Variants in DCHS2 observed in about 807,000 individuals in gnomAD.
The protein encoded by DCHS2 is dachsous cadherin-related 2, also known as protocadherin-23.
DCHS2 carries 142 observed loss-of-function variants against 182.4 expected under a neutral mutation model. That is an observed-to-expected ratio of 0.78 (90% confidence interval 0.68 to 0.89). The LOEUF (loss-of-function observed/expected upper bound fraction) is 0.89, where lower values mean the gene tolerates loss of function less well. DCHS2 is among the 40% of genes least tolerant of loss of function. DCHS2 has a pLI of 0.00. For missense variants in DCHS2, 4,319 were observed against 4,198.6 expected (o/e 1.03, Z -0.79); for synonymous variants, 1,740 against 1,663.3 (o/e 1.05, Z -1.12).
chr4:154,447,418 A>G (rs1236050658), intron 1 of DCHS2, among the ~76,000 whole-genome samples: 2 of 152,260 alleles, frequency 1.3e-5, no homozygotes, highest in Non-Finnish European at 2.9e-5. Flanking sequence ...AGGTAAGCCA[A>G]ATAAATAGTA....
intron 5 of DCHS2, chr4:154,331,831 T>C (rs1183245399): frequency 1.8e-6 from 2 of 1,103,412 alleles, no homozygotes; most frequent in Non-Finnish European, 1.2e-6. Context: ...ATATGTTTCA[T>C]TGTAAGGATT....
intron 1 of DCHS2, among the ~76,000 whole-genome samples, chr4:154,433,401 T>TC (rs1553951919): frequency 7.2e-6 from 1 of 139,216 alleles, no homozygotes; most frequent in African/African-American, 2.6e-5. Context: ...TTTCCTTTTT[T>TC]TTTTTTTTTT....
In DCHS2 at chr4:154,304,712, A is replaced by G; in HGVS notation, c.5562T>C (p.Asp1854=). The G allele has an allele frequency of 6.2e-7, 1 of 1,613,798 alleles. No individual in the cohort carries two copies. The highest frequency in any genetic ancestry group is 8.5e-7 in the Non-Finnish European group (1 of 1,179,840). ...CAGCTCTGTTATTGCCAGCATCCATATCAGAGGCTAAAACCGTATAGACAA... is the reference window on the plus strand; with the variant it reads ...CAGCTCTGTTATTGCCAGCATCCATGTCAGAGGCTAAAACCGTATAGACAA... ...PEVVYTVLAS[D]MDAGNNRAVE... Residue 1854 remains aspartate (D), a synonymous_variant, in exon 12 of 20, where the codon GAT becomes GAC. Transcript: ENST00000357232.
intron 13 of DCHS2, among the ~76,000 whole-genome samples, chr4:154,280,841 T>C (rs867740295): frequency 0.013 from 1,923 of 151,836 alleles, 44 homozygotes; most frequent in African/African-American, 0.044. Context: ...TTTTTTTTTT[T>C]TTTAAAGACA....
Position 154,490,576 on chromosome 4 carries a change from C to A in DCHS2, c.780G>T (p.Ala260=), listed in dbSNP as rs1444622983. ...ATGCCTCGATCTGCAGCCGGTGCGCCGCCGCCTCCTCTCGGTCCAAGCGCC... is the reference window on the plus strand; with the variant it reads ...ATGCCTCGATCTGCAGCCGGTGCGCAGCCGCCTCCTCTCGGTCCAAGCGCC... ...LLRRLDREEA[A]AHRLQIEAWD... Residue 260 remains alanine, a synonymous_variant, in exon 1 of 20, where the codon GCG becomes GCT. Coordinates refer to ENST00000357232, the MANE Select transcript of DCHS2 (RefSeq NM_001358235.2). 2 of 1,543,752 alleles carry A rather than the reference C, an allele frequency of 1.3e-6. No homozygotes were observed. The highest frequency in any genetic ancestry group is 2.7e-5 in the African/African-American group (2 of 73,022).
intron 1 of DCHS2, among the ~76,000 whole-genome samples, chr4:154,460,548 G>A (rs541624126): frequency 6.6e-6 from 1 of 152,246 alleles, no homozygotes; most frequent in East Asian, 1.9e-4. Flanking sequence ...TTGAACTTTA[G>A]CAATGTTATT....
intron 1 of DCHS2, among the ~76,000 whole-genome samples, chr4:154,417,470 T>C (rs1225369893): frequency 1.3e-5 from 2 of 152,178 alleles, no homozygotes; most frequent in Non-Finnish European, 2.9e-5. Flanking sequence ...CCCAATAAGC[T>C]GCTTCAAGGG....
intron 13 of DCHS2, among the ~76,000 whole-genome samples, chr4:154,282,962 A>G (rs1223297186): frequency 1.3e-5 from 2 of 152,292 alleles, no homozygotes; most frequent in Non-Finnish European, 1.5e-5. Context: ...CACTTATATG[A>G]AGTATTTAAA....
At chr4:154,391,877 T>C (rs1344417015) in intron 1 of DCHS2, among the ~76,000 whole-genome samples, 1 of 152,136 alleles carries the variant, frequency 6.6e-6, no homozygotes, top group Non-Finnish European at 1.5e-5. Context: ...TAACTCAAGA[T>C]AGAAGACCAT....
intron 16 of DCHS2, among the ~76,000 whole-genome samples, chr4:154,253,727 G>C (rs1041219639): frequency 1.3e-5 from 2 of 152,136 alleles, no homozygotes; most frequent in African/African-American, 4.8e-5. Flanking sequence ...TACTTTTGAA[G>C]TATATTAAAC....
At chr4:154,293,370 T>C (rs1007254224) in intron 13 of DCHS2, among the ~76,000 whole-genome samples, 3 of 152,084 alleles carry the variant, frequency 2.0e-5, no homozygotes, top group African/African-American at 7.2e-5. Context: ...TTAGTAGAGA[T>C]GGGGTTTCTC....
Position 154,489,322 on chromosome 4 carries a change from A to T in DCHS2, c.2034T>A (p.Val678=). 3.3e-6 allele frequency: 5 copies of T among 1,527,384 alleles called. No homozygotes were observed. Among genetic ancestry groups the T allele is most frequent in the Non-Finnish European group, 4.4e-6 (5 of 1,130,828 alleles). 94.6% of individuals were successfully genotyped at this position (1,527,384 alleles called of 1,614,324 possible). Residue 678 remains valine (V), a synonymous_variant, in exon 1 of 20, where the codon GTT becomes GTA. Coordinates refer to ENST00000357232, the MANE Select transcript of DCHS2 (RefSeq NM_001358235.2). ...CACTCACCTGCAGAAAGCAGTGTCC[A>T]ACCGGGGCATGCTCTGCAATGGTGG... ...YNATIAEHAP[V]GHCFLQVTAS...
chr4:154,257,776 T>C (rs572679943), intron 15 of DCHS2, among the ~76,000 whole-genome samples: 13 of 152,318 alleles, frequency 8.5e-5, no homozygotes, highest in African/African-American at 2.4e-4. Flanking sequence ...AGTGCTAGCT[T>C]CCTGGGAACT....
chr4:154,307,113 GAAGTAAATTA>G (rs1439211847), intron 10 of DCHS2, among the ~76,000 whole-genome samples: 1 of 152,024 alleles, frequency 6.6e-6, no homozygotes, highest in Admixed American at 6.6e-5. Context: ...TACAAATTAG[GAAGTAAATTA>G]AATGTATTTT....
chr4:154,294,476 G>C (rs1480322745), intron 13 of DCHS2, among the ~76,000 whole-genome samples: 1 of 152,114 alleles, frequency 6.6e-6, no homozygotes, highest in African/African-American at 2.4e-5. Context: ...GCCCCACTCA[G>C]TATTTTGTTT....
chr4:154,391,981 A>G (rs991274296), intron 1 of DCHS2, among the ~76,000 whole-genome samples: 2 of 152,100 alleles, frequency 1.3e-5, no homozygotes, highest in Non-Finnish European at 2.9e-5. Flanking sequence ...TATATACTAT[A>G]TACTAACAGG....
At chr4:154,270,081 T>C (rs376547585) in intron 13 of DCHS2, 68 bp from the exon 14 acceptor site, 10 of 1,511,004 alleles carry the variant, frequency 6.6e-6, no homozygotes, top group African/African-American at 2.8e-5. Context: ...CAAGAGAAAA[T>C]ACTGATTATT....
chr4:154,380,308 C>T (rs1259113856), intron 1 of DCHS2, among the ~76,000 whole-genome samples: 1 of 152,126 alleles, frequency 6.6e-6, no homozygotes, highest in Non-Finnish European at 1.5e-5. Context: ...ATCACTTCTT[C>T]TCATATTGTG....
intron 1 of DCHS2, among the ~76,000 whole-genome samples, chr4:154,401,864 C>T (rs1035011032): frequency 1.5e-4 from 23 of 152,174 alleles, no homozygotes; most frequent in Non-Finnish European, 2.6e-4. Flanking sequence ...CATGGTGGTG[C>T]GTGCCTATAG....
Sources: allele counts gnomAD v4.1 joint callset (sites outside exome capture counted in the v4.1 genomes callset), GRCh38; gene constraint gnomAD v4.1.1; transcripts MANE v1.5; gene names NCBI Gene and HGNC (gene_info 2026-07-23, HGNC 2026-07-21).